MRGPRX3: variants seen among roughly 807,000 people sequenced by gnomAD.
The protein encoded by MRGPRX3 is MAS related GPR family member X3.
In MRGPRX3, 14 loss-of-function variants were observed where a neutral mutation model predicts 16.5. The observed-to-expected ratio is 0.85, with a 90% CI of 0.56 to 1.33. The LOEUF (loss-of-function observed/expected upper bound fraction) is 1.33. MRGPRX3 is among the 40% of genes most tolerant of loss of function. The pLI, the probability that MRGPRX3 is intolerant of heterozygous loss-of-function variation, is 0.00. For missense variants in MRGPRX3, 449 were observed against 413.0 expected (o/e 1.09, Z -0.76); for synonymous variants, 199 against 180.1 (o/e 1.10, Z -0.84).
chr11:18,125,702 G>T (rs540664592), intron 1 of MRGPRX3, among the ~76,000 whole-genome samples: 29 of 152,272 alleles, frequency 1.9e-4, no homozygotes, highest in Middle Eastern at 3.4e-3. Context: ...TGTCTATTAG[G>T]TCCGCTTGGT....
rs375471871 is a variant in MRGPRX3, at chr11:18,136,140, A to G, written c.-25-1038A>G. Among the ~76,000 whole-genome samples, 8 of 152,262 alleles carry G rather than the reference A, an allele frequency of 5.3e-5. No homozygotes were observed. The East Asian group carries it at 1.4e-3, about 26-fold the overall frequency. On this transcript the variant is annotated intron_variant, in intron 1 of 1. Transcript: ENST00000621697. ...CATCAACAAAGAAACGCTACCAAAG[A>G]TCTCCCGAAAGAGAGAATGAAATAG...
chr11:18,133,566 T>G (rs1290006128), intron 1 of MRGPRX3, among the ~76,000 whole-genome samples: 1 of 152,164 alleles, frequency 6.6e-6, no homozygotes, highest in Non-Finnish European at 1.5e-5. Context: ...TGAAATCTAG[T>G]TGTTTAAAAG....
At chr11:18,122,739 C>A (rs1481474999) in intron 1 of MRGPRX3, among the ~76,000 whole-genome samples, 1 of 152,174 alleles carries the variant, frequency 6.6e-6, no homozygotes, top group African/African-American at 2.4e-5. Context: ...ATTTCTAGTC[C>A]TAGATCCTTG....
At chr11:18,127,578 G>A (rs1454978460), upstream of MRGPRX3, among the ~76,000 whole-genome samples, 1 of 152,168 alleles carries the variant, frequency 6.6e-6, no homozygotes, top group Non-Finnish European at 1.5e-5. Flanking sequence ...ACTGAGGCTT[G>A]TGCATTCATC....
intron 1 of MRGPRX3, among the ~76,000 whole-genome samples, chr11:18,133,546 C>T (rs12287799): frequency 0.074 from 11,274 of 152,150 alleles, 1,399 homozygotes; most frequent in African/African-American, 0.26. Flanking sequence ...GTGATACTGA[C>T]GAGTTCTCAT....
At position 18,137,930 on chromosome 11, in the gene MRGPRX3, A is replaced by G. The variant is rs1343677509; in HGVS notation, c.728A>G (p.His243Arg). 2 of 1,613,014 alleles carry G rather than the reference A, an allele frequency of 1.2e-6. No homozygotes were observed. The highest frequency in any genetic ancestry group is 2.2e-5 in the South Asian group (2 of 90,976). ...GIQWALFSRI[H>R]LDWKVLFCHV... Reference sequence around the variant, plus strand: ...CAGTGGGCCCTGTTTTCCAGGATCCACCTGGATTGGAAAGTCTTATTTTGT... The same window carrying G: ...CAGTGGGCCCTGTTTTCCAGGATCCGCCTGGATTGGAAAGTCTTATTTTGT... Residue 243 changes from histidine to arginine, a missense_variant, in exon 2 of 2, where the codon CAC becomes CGC. Coordinates refer to ENST00000621697, the MANE Select transcript of MRGPRX3 (RefSeq NM_001370464.1).
upstream of MRGPRX3, among the ~76,000 whole-genome samples, chr11:18,128,293 T>G (rs1211436278): frequency 6.6e-6 from 1 of 152,176 alleles, no homozygotes; most frequent in African/African-American, 2.4e-5. Flanking sequence ...GAACCACTAC[T>G]CTCTTCAAAG....
Position 18,138,430 on chromosome 11 carries a change from G to C in MRGPRX3, c.*259G>C. 2.2e-6 allele frequency: 1 copy of C among 448,364 alleles called. No individual in the cohort carries two copies. The highest frequency in any genetic ancestry group is 3.9e-6 in the Non-Finnish European group (1 of 256,212). The allele number at this position is 448,364 out of a possible 1,614,324, so 27.8% of individuals were successfully genotyped here. On this transcript the variant is annotated 3_prime_UTR_variant, in exon 2 of 2. Coordinates refer to ENST00000621697, the MANE Select transcript of MRGPRX3 (RefSeq NM_001370464.1). ...TATCTTGCACTGAATCTTTCCTACT[G>C]AACACTTTTTCTGCACTTTTCATTG...
intron 1 of MRGPRX3, among the ~76,000 whole-genome samples, chr11:18,126,046 A>C (rs1027204336): frequency 6.6e-6 from 1 of 152,130 alleles, no homozygotes; most frequent in African/African-American, 2.4e-5. Flanking sequence ...TTTGCTTGGT[A>C]GAGCTTCCTC....
chr11:18,137,527 G>C lies in MRGPRX3; in HGVS notation c.325G>C (p.Gly109Arg). The C allele has an allele frequency of 1.2e-6, 2 of 1,614,076 alleles. No homozygotes were observed. Among genetic ancestry groups the C allele is most frequent in the Non-Finnish European group, 1.7e-6 (2 of 1,180,034 alleles). Reference protein sequence around the residue: ...SPVMTFPYFIGLSMLSAISTE... With the variant: ...SPVMTFPYFIRLSMLSAISTE... ...TGTGATGACCTTTCCCTACTTTATA[G>C]GCCTAAGCATGCTGAGCGCCATCAG... The change falls in exon 2 of 2, where the codon GGC becomes CGC. Residue 109 changes from glycine to arginine, a missense_variant. Gly to Arg is a moderately radical substitution (Grantham distance 125). Transcript: ENST00000621697.
At chr11:18,129,731 A>T (rs1848941475), upstream of MRGPRX3, among the ~76,000 whole-genome samples, 1 of 152,236 alleles carries the variant, frequency 6.6e-6, no homozygotes, top group South Asian at 2.1e-4. Flanking sequence ...TATACAAAAA[A>T]GAAAACTATA....
Position 18,137,798 on chromosome 11 carries a change from T to C in MRGPRX3, c.596T>C (p.Leu199Pro), listed in dbSNP as rs1323250508. 6.2e-7 allele frequency: 1 copy of C among 1,614,082 alleles called. No homozygotes were observed. The highest frequency in any genetic ancestry group is 2.2e-5 in the East Asian group (1 of 44,876). ...CTCTGTGGGTCCAGCCTGGTCCTGC[T>C]GGTCAGGATTCTCTGTGGATCCCGG... The part of the protein sequence containing the change: ...VVLCGSSLVL[L>P]VRILCGSRKM... Residue 199 changes from leucine (L) to proline (P), a missense_variant, in exon 2 of 2, where the codon CTG becomes CCG. By Grantham distance (98) the Leu-to-Pro change is moderately conservative (BLOSUM62 -3). Coordinates refer to ENST00000621697, the MANE Select transcript of MRGPRX3 (RefSeq NM_001370464.1).
rs1295028826 is a variant in MRGPRX3 at position 18,138,047 on chromosome 11, A to C, written c.845A>C (p.Gln282Pro). 2.5e-6 allele frequency: 4 copies of C among 1,614,042 alleles called. No individual in the cohort carries two copies. The African/African-American group carries it at 5.3e-5, about 22-fold the overall frequency. The change falls in exon 2 of 2, where the codon CAA (glutamine) becomes CCA (proline). Residue 282 changes from glutamine to proline, a missense_variant. By Grantham distance (76) the Gln-to-Pro change is moderately conservative. Coordinates refer to ENST00000621697, the MANE Select transcript of MRGPRX3 (RefSeq NM_001370464.1). ...YFFVGSFRQR[Q>P]NRQNLKLVLQ... ...TTCGTGGGCTCCTTTAGGCAGCGTC[A>C]AAATAGGCAGAACCTGAAGCTGGTT...
intron 1 of MRGPRX3, among the ~76,000 whole-genome samples, chr11:18,125,469 G>T (rs28750842): frequency 6.6e-6 from 1 of 152,096 alleles, no homozygotes; most frequent in Non-Finnish European, 1.5e-5. Flanking sequence ...TCAGGAGCAG[G>T]TTGTTCAGTT....
rs199726384 is a variant in MRGPRX3 at position 18,137,771 on chromosome 11, T to C, written c.569T>C (p.Val190Ala). ...GCGTGGCTGGTTTTTTTATGTGTGG[T>C]TCTCTGTGGGTCCAGCCTGGTCCTG... ...TIAWLVFLCV[V>A]LCGSSLVLLV... The change falls in exon 2 of 2, where the codon GTT becomes GCT. Residue 190 changes from valine (V) to alanine (A), a missense_variant. Physicochemically the swap from Val to Ala is moderately conservative, Grantham distance 64. Transcript: ENST00000621697. The C allele has an allele frequency of 6.2e-7, 1 of 1,613,564 alleles. No individual in the cohort carries two copies. Among genetic ancestry groups the C allele is most frequent in the Non-Finnish European group, 8.5e-7 (1 of 1,179,844 alleles).
rs953782217 is a variant in MRGPRX3, at chr11:18,137,395, A to C, written c.193A>C (p.Ile65Leu). ...GCGCAGGAACGCTGTCTCCATCTACATCCTCAACCTGGTCGCGGCCGACTT... is the reference window on the plus strand; with the variant it reads ...GCGCAGGAACGCTGTCTCCATCTACCTCCTCAACCTGGTCGCGGCCGACTT... Reference protein sequence around the residue: ...RMRRNAVSIYILNLVAADFLF... With the variant: ...RMRRNAVSIYLLNLVAADFLF... Residue 65 changes from isoleucine to leucine, a missense_variant, in exon 2 of 2, where the codon ATC becomes CTC. Coordinates refer to ENST00000621697, the MANE Select transcript of MRGPRX3 (RefSeq NM_001370464.1). 6.2e-6 allele frequency: 10 copies of C among 1,614,002 alleles called. No homozygotes were observed. The highest frequency in any genetic ancestry group is 8.5e-6 in the Non-Finnish European group (10 of 1,180,020).
chr11:18,126,529 A>C (rs1848897827), intron 1 of MRGPRX3, among the ~76,000 whole-genome samples: 1 of 152,160 alleles, frequency 6.6e-6, no homozygotes, highest in East Asian at 1.9e-4. Context: ...TTTAGGGTAC[A>C]TGTGCACAAT....
chr11:18,124,253 C>A (rs1166378696), intron 1 of MRGPRX3, among the ~76,000 whole-genome samples: 1 of 152,204 alleles, frequency 6.6e-6, no homozygotes, highest in Non-Finnish European at 1.5e-5. Context: ...GAGAGGGCAT[C>A]CCTGTCTTGT....
intron 1 of MRGPRX3, among the ~76,000 whole-genome samples, chr11:18,125,501 G>A (rs1295890841): frequency 6.6e-6 from 1 of 152,160 alleles, no homozygotes. Context: ...GAGCGTTTTT[G>A]AGTGAGATTC....
Sources: allele counts gnomAD v4.1 joint callset (sites outside exome capture counted in the v4.1 genomes callset), GRCh38; gene constraint gnomAD v4.1.1; transcripts MANE v1.5; gene names NCBI Gene and HGNC (gene_info 2026-07-23, HGNC 2026-07-21).